FRG1: variants seen among roughly 807,000 people sequenced by gnomAD.
FRG1 encodes protein FRG1.
In FRG1, 19 loss-of-function variants were observed where a neutral mutation model predicts 37.0. That is an observed-to-expected ratio of 0.51 (90% CI 0.36 to 0.75). The LOEUF is 0.75. FRG1 is among the 30% of genes least tolerant of loss of function. The probability of loss-of-function intolerance (pLI) is 0.00; values close to 1 mark genes in which losing one functional copy is unlikely to be tolerated. For missense variants in FRG1, 243 were observed against 301.4 expected, an observed-to-expected ratio of 0.81 and a Z score of 1.44; for synonymous variants, 73 against 96.5, an observed-to-expected ratio of 0.76 and a Z score of 1.43.
chr4:189,944,945 TAATATTGGGCCTC>T (rs1306337210), intron 2 of FRG1, among the ~76,000 whole-genome samples: 1 of 152,214 alleles, frequency 6.6e-6, no homozygotes, highest in Non-Finnish European at 1.5e-5. Context: ...ATCAACATCT[TAATATTGGGCCTC>T]AATATTTCAT....
At position 189,940,963 on chromosome 4, in the gene FRG1, C is replaced by T. The variant is rs1243604809; in HGVS notation, c.-47C>T. Reference sequence around the variant, plus strand: ...CCTGTGCTGCCCCGACTCACATACTCGTCCAGAACCGGCCTCAGCCTCTCC... The same window carrying T: ...CCTGTGCTGCCCCGACTCACATACTTGTCCAGAACCGGCCTCAGCCTCTCC... On this transcript the variant is annotated 5_prime_UTR_variant, in exon 1 of 9. Coordinates refer to ENST00000226798, the MANE Select transcript of FRG1 (RefSeq NM_004477.3). The T allele has an allele frequency of 2.0e-6, 3 of 1,518,670 alleles. No homozygotes were observed. The highest frequency in any genetic ancestry group is 1.1e-5 in the South Asian group (1 of 88,512). The allele number at this position is 1,518,670 out of a possible 1,614,324, so 94.1% of individuals were successfully genotyped here.
At chr4:189,954,709 G>A (rs374592157) in intron 4 of FRG1, among the ~76,000 whole-genome samples, 3 of 151,024 alleles carry the variant, frequency 2.0e-5, no homozygotes, top group South Asian at 2.1e-4. Context: ...ATCCTCCTGC[G>A]TCAGCCTCCC....
At chr4:189,951,299 C>G (rs1736740990) in intron 2 of FRG1, among the ~76,000 whole-genome samples, 1 of 151,876 alleles carries the variant, frequency 6.6e-6, no homozygotes, top group African/African-American at 2.4e-5. Context: ...ACCAGCCTGG[C>G]CAATGTGGTG....
intron 1 of FRG1, chr4:189,941,934 A>G (rs1249276637): frequency 7.5e-6 from 3 of 399,078 alleles, no homozygotes; most frequent in African/African-American, 4.2e-5. Flanking sequence ...TCAAGGAGTG[A>G]GTTGAAGCCA....
chr4:189,958,917 C>T (rs1737105547), intron 6 of FRG1, among the ~76,000 whole-genome samples: 1 of 152,218 alleles, frequency 6.6e-6, no homozygotes, highest in Non-Finnish European at 1.5e-5. Context: ...GCATCCTGAA[C>T]CTTGCTTTGT....
intron 2 of FRG1, among the ~76,000 whole-genome samples, chr4:189,951,511 G>T (rs73024943): frequency 3.3e-5 from 5 of 150,892 alleles, no homozygotes; most frequent in Non-Finnish European, 5.9e-5. Flanking sequence ...AAAAAAGATT[G>T]CTATGCTAGA....
intron 5 of FRG1, 56 bp downstream of exon 5, chr4:189,955,207 A>G (rs1343035989): frequency 9.9e-7 from 1 of 1,013,690 alleles, no homozygotes; most frequent in African/African-American, 1.6e-5. Context: ...AAAGTCTGTT[A>G]ACAGTCAATC....
chr4:189,952,545 TA>T (rs1392034000), intron 3 of FRG1, among the ~76,000 whole-genome samples: 1 of 152,214 alleles, frequency 6.6e-6, no homozygotes, highest in African/African-American at 2.4e-5. Context: ...ATTAAAATAG[TA>T]AGTGGAAAGA....
Position 189,953,431 on chromosome 4 carries a change from CTG to C in FRG1, c.317+308_317+309del, listed in dbSNP as rs1736847333. Among the ~76,000 whole-genome samples, 5 of 152,096 alleles carry C rather than the reference CTG, an allele frequency of 3.3e-5. No homozygotes were observed. The South Asian group carries it at 1.0e-3, about 32-fold the overall frequency. On this transcript the variant is annotated intron_variant, in intron 4 of 8. Transcript: ENST00000226798. The stretch of plus-strand genomic sequence containing the variant: ...ACTGTTGCTGTGATATTTAAACTCA[CTG>C]TTTGGAAGTCCAAAGGCAAACAGGA...
At chr4:189,950,287 T>C (rs1422529518) in intron 2 of FRG1, among the ~76,000 whole-genome samples, 2 of 152,206 alleles carry the variant, frequency 1.3e-5, no homozygotes, top group African/African-American at 4.8e-5. Flanking sequence ...ATAATGTATG[T>C]AGTTTACAAA....
chr4:189,951,824 C>G (rs1385765373), intron 2 of FRG1, among the ~76,000 whole-genome samples: 1 of 152,122 alleles, frequency 6.6e-6, no homozygotes, highest in Non-Finnish European at 1.5e-5. Flanking sequence ...ACCCCCATGC[C>G]TGGCTGTATG....
chr4:189,946,128 T>C (rs1292829765), intron 2 of FRG1, among the ~76,000 whole-genome samples: 1 of 152,218 alleles, frequency 6.6e-6, no homozygotes, highest in African/African-American at 2.4e-5. Flanking sequence ...GTTTTTGCTA[T>C]GTTTTCCTGG....
Sources: allele counts gnomAD v4.1 joint callset (sites outside exome capture counted in the v4.1 genomes callset), GRCh38; gene constraint gnomAD v4.1.1; transcripts MANE v1.5; gene names NCBI Gene and HGNC (gene_info 2026-07-23, HGNC 2026-07-21).